Variants in TSPAN5 observed in about 807,000 individuals in gnomAD.
The protein encoded by TSPAN5 is tetraspanin-5.
TSPAN5 carries 10 observed loss-of-function variants against 37.1 expected under a neutral mutation model. That is an observed-to-expected ratio of 0.27 (90% CI 0.17 to 0.46). The LOEUF is 0.46. TSPAN5 is among the 20% of genes least tolerant of loss of function. The probability of loss-of-function intolerance (pLI) is 1.00; values close to 1 mark genes in which losing one functional copy is unlikely to be tolerated. For missense variants in TSPAN5, 195 were observed against 326.6 expected (o/e 0.60, Z 3.11); for synonymous variants, 110 against 118.9 (o/e 0.93, Z 0.48).
intron 1 of TSPAN5, among the ~76,000 whole-genome samples, chr4:98,508,935 G>A (rs1375249980): frequency 1.6e-5 from 2 of 124,458 alleles, no homozygotes; most frequent in Non-Finnish European, 3.4e-5. Flanking sequence ...AAAATCCATG[G>A]TATCTCATAA....
chr4:98,563,646 T>C (rs1754925878), intron 1 of TSPAN5, among the ~76,000 whole-genome samples: 1 of 152,174 alleles, frequency 6.6e-6, no homozygotes, highest in African/African-American at 2.4e-5. Flanking sequence ...TAAAAATCAC[T>C]TCAGGGCATT....
chr4:98,620,375 C>T (rs564988631), intron 1 of TSPAN5, among the ~76,000 whole-genome samples: 1 of 152,306 alleles, frequency 6.6e-6, no homozygotes, highest in African/African-American at 2.4e-5. Flanking sequence ...AGCAGGCATA[C>T]ACACCTGAGG....
chr4:98,508,670 G>A (rs571723926), intron 1 of TSPAN5, among the ~76,000 whole-genome samples: 6 of 151,794 alleles, frequency 4.0e-5, no homozygotes, highest in Non-Finnish European at 7.4e-5. Flanking sequence ...GACCATAGGC[G>A]CATGCCACCA....
intron 1 of TSPAN5, among the ~76,000 whole-genome samples, chr4:98,527,304 G>A (rs1753983130): frequency 6.6e-6 from 1 of 152,182 alleles, no homozygotes; most frequent in African/African-American, 2.4e-5. Flanking sequence ...CCTTCAAAGA[G>A]TTACACTGAA....
chr4:98,598,273 C>T (rs1273994886), intron 1 of TSPAN5, among the ~76,000 whole-genome samples: 1 of 142,582 alleles, frequency 7.0e-6, no homozygotes, highest in Non-Finnish European at 1.5e-5. Flanking sequence ...CCAGGTGAGG[C>T]AATGCCTCGC....
chr4:98,541,608 G>A (rs1390117649), intron 1 of TSPAN5, among the ~76,000 whole-genome samples: 2 of 151,288 alleles, frequency 1.3e-5, no homozygotes, highest in Non-Finnish European at 2.9e-5. Context: ...CCAGGAGGGG[G>A]AGGGTGCAGT....
chr4:98,475,606 C>A (rs568398432), intron 7 of TSPAN5, among the ~76,000 whole-genome samples: 1 of 152,178 alleles, frequency 6.6e-6, no homozygotes, highest in East Asian at 1.9e-4. Context: ...CAGTAGGCAA[C>A]CACTATCTAA....
Position 98,586,540 on chromosome 4 carries a change from T to C in TSPAN5, c.81+71606A>G, listed in dbSNP as rs891829266. Among the ~76,000 whole-genome samples the C allele has an allele frequency of 5.3e-5, 8 of 152,220 alleles. No individual in the cohort carries two copies. The East Asian group carries it at 7.7e-4, about 15-fold the overall frequency. On this transcript the variant is annotated intron_variant, in intron 1 of 7. Transcript: ENST00000305798. ...AGTATTTCACTAATAGGCAAGATGA[T>C]AGATTAAACCCTTCTATTCTTTTTC...
At chr4:98,494,603 C>T (rs1430130666) in intron 2 of TSPAN5, among the ~76,000 whole-genome samples, 2 of 151,766 alleles carry the variant, frequency 1.3e-5, no homozygotes, top group Admixed American at 6.6e-5. Flanking sequence ...TGAAGTGCTT[C>T]GAATATAATA....
chr4:98,574,329 GT>G (rs1303081698), intron 1 of TSPAN5: 1 of 152,088 alleles, frequency 6.6e-6, no homozygotes, highest in Non-Finnish European at 1.5e-5. Context: ...TTCACTAAAG[GT>G]TTATTTTACC....
intron 2 of TSPAN5, among the ~76,000 whole-genome samples, chr4:98,488,212 A>T (rs1340713233): frequency 6.6e-6 from 1 of 152,202 alleles, no homozygotes; most frequent in Non-Finnish European, 1.5e-5. Context: ...TTCAGTACCA[A>T]GCAGGGGCCA....
intron 1 of TSPAN5, among the ~76,000 whole-genome samples, chr4:98,644,231 G>A (rs1022155825): frequency 1.8e-4 from 27 of 151,952 alleles, no homozygotes; most frequent in African/African-American, 6.3e-4. Flanking sequence ...CGGTAAAGTC[G>A]GAAGAAATGC....
chr4:98,575,684 A>G (rs1015251077), intron 1 of TSPAN5, among the ~76,000 whole-genome samples: 1 of 151,858 alleles, frequency 6.6e-6, no homozygotes, highest in Non-Finnish European at 1.5e-5. Flanking sequence ...CAGTCACATA[A>G]TATTCTAGAA....
At chr4:98,532,048 A>G (rs897713584) in intron 1 of TSPAN5, among the ~76,000 whole-genome samples, 2 of 152,116 alleles carry the variant, frequency 1.3e-5, no homozygotes, top group African/African-American at 4.8e-5. Flanking sequence ...GCTGTGCAGA[A>G]GCTCTTTAGT....
intron 1 of TSPAN5, among the ~76,000 whole-genome samples, chr4:98,654,925 C>T (rs1456787041): frequency 6.6e-6 from 1 of 152,172 alleles, no homozygotes; most frequent in African/African-American, 2.4e-5. Context: ...TGCCTCACTG[C>T]AATCTCCACC....
chr4:98,585,446 A>G (rs905760494), intron 1 of TSPAN5, among the ~76,000 whole-genome samples: 1 of 152,088 alleles, frequency 6.6e-6, no homozygotes, highest in Admixed American at 6.6e-5. Flanking sequence ...AGTAGCTAGG[A>G]TTACAGGCAT....
intron 1 of TSPAN5, among the ~76,000 whole-genome samples, chr4:98,641,238 C>A (rs114097461): frequency 0.016 from 2,477 of 152,166 alleles, 82 homozygotes; most frequent in African/African-American, 0.057. Flanking sequence ...CATTCTGTAA[C>A]AAAAAAACCA....
chr4:98,606,465 T>C (rs17027847), intron 1 of TSPAN5, among the ~76,000 whole-genome samples: 8,665 of 152,292 alleles, frequency 0.057, 535 homozygotes, highest in Admixed American at 0.16. Flanking sequence ...GATAAAACTA[T>C]AATGGATATA....
chr4:98,625,238 A>G (rs1756573886), intron 1 of TSPAN5, among the ~76,000 whole-genome samples: 1 of 152,206 alleles, frequency 6.6e-6, no homozygotes, highest in Non-Finnish European at 1.5e-5. Flanking sequence ...GTCTGATTGC[A>G]AAAATTCAAA....
Sources: gnomAD v4.1 joint callset for allele counts (sites outside exome capture counted in the v4.1 genomes callset) on GRCh38, gnomAD v4.1.1 for gene constraint, MANE v1.5 for transcripts, NCBI Gene and HGNC (gene_info 2026-07-23, HGNC 2026-07-21) for gene names.